EGFR: variants seen among roughly 807,000 people sequenced by gnomAD.
EGFR encodes avian erythroblastic leukemia viral (v-erb-b) oncogene homolog.
Under a neutral mutation model 143.0 loss-of-function variants are expected in EGFR, and 58 were observed. That is an observed-to-expected ratio of 0.41 (90% confidence interval 0.33 to 0.50). The LOEUF (loss-of-function observed/expected upper bound fraction) is 0.50, where lower values mean the gene tolerates loss of function less well. Among genes scored for constraint, EGFR ranks in the 20% least tolerant of loss-of-function variants. The pLI is 0.39. For missense variants in EGFR, 1,307 were observed against 1,579.0 expected, an observed-to-expected ratio of 0.83 and a Z score of 2.92; for synonymous variants, 613 against 594.4, an observed-to-expected ratio of 1.03 and a Z score of -0.45.
chr7:55,168,131 G>A (rs535238289), intron 15 of EGFR, among the ~76,000 whole-genome samples: 66 of 152,274 alleles, frequency 4.3e-4, no homozygotes, highest in African/African-American at 1.6e-3. Context: ...AGCTCTGTTG[G>A]CCACTTTGTG....
intron 21 of EGFR, among the ~76,000 whole-genome samples, chr7:55,192,507 CT>C (rs1175972810): frequency 6.6e-6 from 1 of 152,206 alleles, no homozygotes; most frequent in Non-Finnish European, 1.5e-5. Flanking sequence ...AGTGAGGCCA[CT>C]GGGCACAACC....
intron 1 of EGFR, among the ~76,000 whole-genome samples, chr7:55,080,291 G>T (rs1790388212): frequency 6.7e-6 from 1 of 149,910 alleles, no homozygotes; most frequent in Admixed American, 6.7e-5. Flanking sequence ...AGGAGCTTTT[G>T]TTTCTTTTTG....
intron 1 of EGFR, among the ~76,000 whole-genome samples, chr7:55,041,646 A>G (rs1787907036): frequency 6.6e-6 from 1 of 152,242 alleles, no homozygotes; most frequent in South Asian, 2.1e-4. Context: ...TGTTTAAACT[A>G]GTGAATGATT....
rs141029519 is a variant in EGFR at position 55,164,505 on chromosome 7, A to C, written c.1722+682A>C. ...ATAGGCTGCCAGCGTGGCTGCTTAC[A>C]AAGTAAAGACTTGGTTTATAGGTTT... On this transcript the variant is annotated intron_variant, in intron 14 of 27. Coordinates refer to ENST00000275493, the MANE Select transcript of EGFR (RefSeq NM_005228.5). 2.0e-5 allele frequency among the ~76,000 whole-genome samples: 3 copies of C among 152,278 alleles called. No individual in the cohort carries two copies. The East Asian group carries it at 5.8e-4, about 29-fold the overall frequency.
At chr7:55,201,690 T>C (rs1384239829) in intron 25 of EGFR, 45 bp from the exon 26 acceptor site, 1 of 1,611,364 alleles carries the variant, frequency 6.2e-7, no homozygotes, top group Admixed American at 1.7e-5. Context: ...GTGGATGAGA[T>C]GTGGTACAAG....
chr7:55,123,762 A>G (rs191532924), intron 1 of EGFR, among the ~76,000 whole-genome samples: 120 of 152,236 alleles, frequency 7.9e-4, no homozygotes, highest in African/African-American at 2.7e-3. Flanking sequence ...GGAATCAAGC[A>G]GGAGGGGAGA....
At chr7:55,189,125 T>G (rs1252738611) in intron 20 of EGFR, among the ~76,000 whole-genome samples, 1 of 152,060 alleles carries the variant, frequency 6.6e-6, no homozygotes, top group Non-Finnish European at 1.5e-5. Flanking sequence ...TGTGTATATA[T>G]ATATACACAT....
At chr7:55,154,875 C>T (rs1040193864) in intron 7 of EGFR, among the ~76,000 whole-genome samples, 5 of 151,370 alleles carry the variant, frequency 3.3e-5, no homozygotes, top group African/African-American at 1.2e-4. Flanking sequence ...GAGATTTTAC[C>T]CTGCCAGATT....
chr7:55,131,939 G>GA (rs1272464184), intron 1 of EGFR, among the ~76,000 whole-genome samples: 9,358 of 99,718 alleles, frequency 0.094, 386 homozygotes, highest in Middle Eastern at 0.24. Context: ...TTTGCTTTCA[G>GA]AAAAAAAAAA....
chr7:55,104,183 G>C (rs534190938), intron 1 of EGFR, among the ~76,000 whole-genome samples: 1 of 152,190 alleles, frequency 6.6e-6, no homozygotes, highest in Non-Finnish European at 1.5e-5. Context: ...GCACTATCCC[G>C]AGTGCTTTGG....
intron 1 of EGFR, chr7:55,109,669 A>G: frequency 1.1e-6 from 1 of 926,340 alleles, no homozygotes; most frequent in Non-Finnish European, 1.3e-6. Flanking sequence ...TTGCTCTTAA[A>G]GGGATATCCT....
chr7:55,193,621 A>G (rs969906524), intron 22 of EGFR, among the ~76,000 whole-genome samples: 3 of 152,196 alleles, frequency 2.0e-5, no homozygotes, highest in Non-Finnish European at 4.4e-5. Context: ...GCTGGAACCC[A>G]TGAACCTACC....
At chr7:55,194,147 C>T (rs531881180) in intron 22 of EGFR, among the ~76,000 whole-genome samples, 1 of 152,098 alleles carries the variant, frequency 6.6e-6, no homozygotes, top group African/African-American at 2.4e-5. Flanking sequence ...AGGCACAGCC[C>T]GGTCTCCTGC....
At chr7:55,092,022 TA>T (rs11376505) in intron 1 of EGFR, among the ~76,000 whole-genome samples, 7 of 151,408 alleles carry the variant, frequency 4.6e-5, no homozygotes, top group Non-Finnish European at 1.0e-4. Context: ...TCTATCTCCT[TA>T]AAAAAAAATT....
chr7:55,023,775 T>C (rs543777606), intron 1 of EGFR, among the ~76,000 whole-genome samples: 6 of 152,322 alleles, frequency 3.9e-5, no homozygotes, highest in Non-Finnish European at 7.3e-5. Flanking sequence ...TTATTACTGG[T>C]TTATTCTTGA....
chr7:55,037,410 T>G (rs1322831864), intron 1 of EGFR, among the ~76,000 whole-genome samples: 1 of 152,180 alleles, frequency 6.6e-6, no homozygotes, highest in Non-Finnish European at 1.5e-5. Flanking sequence ...ATTTAAGAGC[T>G]GGAAAGGTGG....
intron 1 of EGFR, chr7:55,109,857 A>G (rs530798059): frequency 1.0e-6 from 1 of 985,534 alleles, no homozygotes; most frequent in African/African-American, 1.7e-5. Flanking sequence ...ACTGGACTTC[A>G]GAACAAGAGG....
intron 1 of EGFR, among the ~76,000 whole-genome samples, chr7:55,111,590 A>G (rs1201542929): frequency 6.6e-6 from 1 of 152,222 alleles, no homozygotes; most frequent in East Asian, 1.9e-4. Context: ...AAAATCCTAT[A>G]GAAATGAATT....
At chr7:55,137,584 C>T (rs1389388998) in intron 1 of EGFR, among the ~76,000 whole-genome samples, 2 of 152,148 alleles carry the variant, frequency 1.3e-5, no homozygotes, top group African/African-American at 4.8e-5. Context: ...AATAACGAGA[C>T]CACCGGCCCG....
Sources: allele counts gnomAD v4.1 joint callset (sites outside exome capture counted in the v4.1 genomes callset), GRCh38; gene constraint gnomAD v4.1.1; transcripts MANE v1.5; gene names NCBI Gene and HGNC (gene_info 2026-07-23, HGNC 2026-07-21).